The following APBA1 variants were observed in gnomAD, a reference collection of about 807,000 sequenced individuals.
APBA1 encodes amyloid-beta A4 precursor protein-binding family A member 1.
In APBA1, 55 loss-of-function variants were observed where a neutral mutation model predicts 86.6. The observed-to-expected ratio is 0.64, with a 90% confidence interval of 0.51 to 0.80. APBA1 has a LOEUF of 0.80. Among genes scored for constraint, APBA1 ranks in the 30% least tolerant of loss-of-function variants. The pLI is 0.00. For synonymous variants in APBA1, 511 were observed against 493.9 expected, an observed-to-expected ratio of 1.03 and a Z score of -0.46; for missense variants, 1,090 against 1,183.0, an observed-to-expected ratio of 0.92 and a Z score of 1.15.
At chr9:69,668,602 C>G (rs1823885671) in intron 1 of APBA1, among the ~76,000 whole-genome samples, 1 of 152,204 alleles carries the variant, frequency 6.6e-6, no homozygotes. Flanking sequence ...CCTCACAAAT[C>G]TTCTATAGTT....
intron 1 of APBA1, among the ~76,000 whole-genome samples, chr9:69,554,695 T>A (rs1836835622): frequency 6.6e-6 from 1 of 152,158 alleles, no homozygotes; most frequent in Non-Finnish European, 1.5e-5. Flanking sequence ...TTTTTCTACC[T>A]TAAAAATAAG....
chr9:69,551,074 T>G (rs1456066882), intron 1 of APBA1, among the ~76,000 whole-genome samples: 2 of 152,208 alleles, frequency 1.3e-5, no homozygotes, highest in Non-Finnish European at 2.9e-5. Flanking sequence ...TGCCTTCAGA[T>G]AAAGTTCATT....
chr9:69,608,666 C>G (rs536809267), intron 1 of APBA1, among the ~76,000 whole-genome samples: 1 of 152,158 alleles, frequency 6.6e-6, no homozygotes, highest in Non-Finnish European at 1.5e-5. Context: ...CTTTGAGTCC[C>G]CTTCTCCCTC....
chr9:69,497,343 G>A (rs185671951), intron 2 of APBA1, among the ~76,000 whole-genome samples: 2 of 152,014 alleles, frequency 1.3e-5, no homozygotes, highest in Non-Finnish European at 2.9e-5. Context: ...TCTCCTGTGC[G>A]GCTCCCCTAC....
At chr9:69,619,209 T>C (rs1235380060) in intron 1 of APBA1, among the ~76,000 whole-genome samples, 2 of 152,054 alleles carry the variant, frequency 1.3e-5, no homozygotes, top group East Asian at 1.9e-4. Flanking sequence ...GAAACAGATA[T>C]CTTAAAAAGC....
At chr9:69,485,343 T>TCA (rs1835590233) in intron 2 of APBA1, among the ~76,000 whole-genome samples, 1 of 152,104 alleles carries the variant, frequency 6.6e-6, no homozygotes, top group South Asian at 2.1e-4. Context: ...TTAACTCATC[T>TCA]CAAATGTCTG....
At chr9:69,489,032 T>C (rs1277836489) in intron 2 of APBA1, among the ~76,000 whole-genome samples, 1 of 152,004 alleles carries the variant, frequency 6.6e-6, no homozygotes, top group Non-Finnish European at 1.5e-5. Context: ...GAAGAATCAA[T>C]ATCATGAAAA....
At chr9:69,528,775 C>T (rs1175478541) in intron 1 of APBA1, among the ~76,000 whole-genome samples, 1 of 151,906 alleles carries the variant, frequency 6.6e-6, no homozygotes, top group East Asian at 1.9e-4. Context: ...CACACACACA[C>T]AACACTACAG....
intron 11 of APBA1, among the ~76,000 whole-genome samples, chr9:69,440,051 C>T (rs377011747): frequency 6.6e-6 from 1 of 152,212 alleles, no homozygotes; most frequent in African/African-American, 2.4e-5. Flanking sequence ...AGGTCCACTC[C>T]AGACCCTGTT....
chr9:69,605,913 T>C (rs1392392623), intron 1 of APBA1, among the ~76,000 whole-genome samples: 1 of 152,238 alleles, frequency 6.6e-6, no homozygotes, highest in African/African-American at 2.4e-5. Flanking sequence ...ATTTATCCAA[T>C]GAATTAATGA....
chr9:69,658,310 CTTTCTTTCTTTCTT>C lies in APBA1; in HGVS notation c.-70+13829_-70+13842del, dbSNP rs1372486768. 7.8e-3 allele frequency among the ~76,000 whole-genome samples: 483 copies of C among 61,878 alleles called. 9 individuals are homozygous for C. The highest frequency in any genetic ancestry group is 0.014 in the Middle Eastern group (2 of 138). The allele number at this position is 61,878 out of a possible 152,430, so 40.6% of individuals were successfully genotyped here. A position where few individuals can be genotyped will look rare whatever the true frequency, so the allele number is the denominator to read the frequency against. ...TCTCTCTCTTTCTCTCTCTCTCTTT[CTTTCTTTCTTTCTT>C]TCTTTCTTTCTTTCTTTCTTTCTTT... is the stretch of plus-strand genomic sequence containing the variant. On this transcript the variant is annotated intron_variant, in intron 1 of 12. Coordinates refer to ENST00000265381, the MANE Select transcript of APBA1 (RefSeq NM_001163.4).
intron 1 of APBA1, among the ~76,000 whole-genome samples, chr9:69,585,002 G>C (rs571180320): frequency 6.6e-6 from 1 of 152,280 alleles, no homozygotes; most frequent in South Asian, 2.1e-4. Context: ...ATGGAATGTT[G>C]ACTTGCTTAT....
At chr9:69,631,460 A>T (rs541577082) in intron 1 of APBA1, among the ~76,000 whole-genome samples, 92 of 152,352 alleles carry the variant, frequency 6.0e-4, no homozygotes, top group Non-Finnish European at 1.1e-3. Flanking sequence ...TGTTGGTGGG[A>T]CTGTAAACTA....
Position 69,516,631 on chromosome 9 carries a change from G to A in APBA1, c.580C>T (p.Gln194Ter). 1 of 1,608,008 alleles carries A rather than the reference G, an allele frequency of 6.2e-7. No homozygotes were observed. The highest frequency in any genetic ancestry group is 8.5e-7 in the Non-Finnish European group (1 of 1,179,154). ...SEPYADYGGL[Q>*]EHVYEEIGDA... is the part of the protein sequence containing the mutation. Reference sequence around the variant, plus strand: ...CCTATCTCCTCGTACACGTGCTCCTGGAGGCCGCCGTAGTCGGCATAGGGC... The same window carrying A: ...CCTATCTCCTCGTACACGTGCTCCTAGAGGCCGCCGTAGTCGGCATAGGGC... Residue 194 changes from glutamine to a stop codon, truncating the protein, a stop_gained, in exon 2 of 13, where the codon CAG (glutamine) becomes TAG (stop). Coordinates refer to ENST00000265381, the MANE Select transcript of APBA1 (RefSeq NM_001163.4). LOFTEE classifies it high-confidence loss of function. The surrounding 1 kb of genome is among the most constrained non-coding windows in gnomAD (Gnocchi z 7.3).
At chr9:69,659,402 T>C (rs1016149674) in intron 1 of APBA1, among the ~76,000 whole-genome samples, 6 of 152,222 alleles carry the variant, frequency 3.9e-5, no homozygotes, top group South Asian at 4.1e-4. Context: ...CACTTTCATA[T>C]GCACATTCTC....
At chr9:69,636,927 GAAAGAAAGAAAGAAAGAAA>G (rs1823185160) in intron 1 of APBA1, among the ~76,000 whole-genome samples, 18 of 120,666 alleles carry the variant, frequency 1.5e-4, no homozygotes, top group African/African-American at 5.1e-4. Flanking sequence ...AGGAAGGAAA[GAAAGAAAGAAAGAAAGAAA>G]GAAAGAAAGA....
chr9:69,571,711 T>C (rs1837117749), intron 1 of APBA1, among the ~76,000 whole-genome samples: 1 of 152,260 alleles, frequency 6.6e-6, no homozygotes. Context: ...TGTTGATAAC[T>C]ATTATTTTAA....
chr9:69,470,064 TA>T (rs745953621), intron 4 of APBA1, among the ~76,000 whole-genome samples: 1 of 152,212 alleles, frequency 6.6e-6, no homozygotes, highest in Non-Finnish European at 1.5e-5. Context: ...AAATTATATT[TA>T]AATGACTGTA....
chr9:69,515,763 T>C (rs1340267499), intron 2 of APBA1, among the ~76,000 whole-genome samples: 3 of 148,220 alleles, frequency 2.0e-5, no homozygotes, highest in Non-Finnish European at 4.4e-5. Context: ...CCAGGCACAG[T>C]GTGGGAAGCA....
Sources: allele counts gnomAD v4.1 joint callset (sites outside exome capture counted in the v4.1 genomes callset), GRCh38; gene constraint gnomAD v4.1.1; non-coding constraint Gnocchi (gnomAD v3.1); transcripts MANE v1.5; gene names NCBI Gene and HGNC (gene_info 2026-07-23, HGNC 2026-07-21).